Variants in BRINP1 observed in about 807,000 individuals in gnomAD.
BRINP1 encodes BMP/retinoic acid inducible neural specific 1.
BRINP1 carries 17 observed loss-of-function variants against 72.9 expected under a neutral mutation model. The ratio of observed to expected loss-of-function variants is 0.23; its 90% CI spans 0.16 to 0.35. The LOEUF (loss-of-function observed/expected upper bound fraction) is 0.35, where lower values mean the gene tolerates loss of function less well. BRINP1 is among the 10% of genes least tolerant of loss of function. The pLI is 1.00. For missense variants in BRINP1, 850 were observed against 1,001.6 expected, an observed-to-expected ratio of 0.85 and a Z score of 2.04; for synonymous variants, 418 against 378.5, an observed-to-expected ratio of 1.10 and a Z score of -1.21.
At chr9:119,330,930 G>A (rs1831294082) in intron 1 of BRINP1, among the ~76,000 whole-genome samples, 1 of 152,156 alleles carries the variant, frequency 6.6e-6, no homozygotes, top group African/African-American at 2.4e-5. Flanking sequence ...GGGAGGCTGA[G>A]GCAGGAGAAT....
chr9:119,272,203 T>C (rs1830614767), intron 2 of BRINP1, among the ~76,000 whole-genome samples: 1 of 150,800 alleles, frequency 6.6e-6, no homozygotes, highest in Non-Finnish European at 1.5e-5. Flanking sequence ...CTCAGCCTCC[T>C]GAGAGCTAGG....
intron 1 of BRINP1, among the ~76,000 whole-genome samples, chr9:119,343,574 C>T (rs1401442644): frequency 6.6e-6 from 1 of 152,076 alleles, no homozygotes; most frequent in Non-Finnish European, 1.5e-5. Flanking sequence ...TATCTAGAAG[C>T]CCATCTTTCT....
At chr9:119,204,574 A>G (rs1829833670) in intron 7 of BRINP1, among the ~76,000 whole-genome samples, 1 of 152,204 alleles carries the variant, frequency 6.6e-6, no homozygotes, top group South Asian at 2.1e-4. Flanking sequence ...TGAGGAAGAA[A>G]TTAGTTAATC....
chr9:119,252,631 T>C (rs1055594547), intron 2 of BRINP1, among the ~76,000 whole-genome samples: 5 of 152,054 alleles, frequency 3.3e-5, no homozygotes, highest in African/African-American at 9.7e-5. Context: ...AACACACCCG[T>C]ATTCCTTAAA....
intron 7 of BRINP1, among the ~76,000 whole-genome samples, chr9:119,170,035 A>G (rs1829383625): frequency 1.3e-5 from 2 of 152,284 alleles, no homozygotes; most frequent in Non-Finnish European, 2.9e-5. Flanking sequence ...TGGGGAAAAA[A>G]CAGAACAGAA....
intron 2 of BRINP1, among the ~76,000 whole-genome samples, chr9:119,279,006 C>T (rs1030078366): frequency 6.6e-6 from 1 of 151,948 alleles, no homozygotes; most frequent in African/African-American, 2.4e-5. Context: ...TACTTTACTT[C>T]CATTTTATTG....
At chr9:119,232,231 T>G (rs963218960) in intron 5 of BRINP1, among the ~76,000 whole-genome samples, 11 of 152,162 alleles carry the variant, frequency 7.2e-5, no homozygotes, top group African/African-American at 2.7e-4. Context: ...AATTCATCCA[T>G]AAATTCAGTC....
chr9:119,206,088 A>C (rs1241070304), intron 7 of BRINP1, among the ~76,000 whole-genome samples: 1 of 152,150 alleles, frequency 6.6e-6, no homozygotes, highest in East Asian at 1.9e-4. Flanking sequence ...CATTTAGGTC[A>C]GCTCTAATCC....
intron 7 of BRINP1, among the ~76,000 whole-genome samples, chr9:119,200,072 T>C (rs898324164): frequency 1.3e-5 from 2 of 152,192 alleles, no homozygotes; most frequent in African/African-American, 4.8e-5. Context: ...ATTCAACATA[T>C]GTAGAAAGTA....
At chr9:119,318,993 T>C (rs1360778376) in intron 1 of BRINP1, among the ~76,000 whole-genome samples, 5 of 151,940 alleles carry the variant, frequency 3.3e-5, no homozygotes, top group African/African-American at 1.2e-4. Flanking sequence ...ACATCTTTGA[T>C]CCTCACAACT....
chr9:119,201,112 C>T (rs1829801036), intron 7 of BRINP1, among the ~76,000 whole-genome samples: 1 of 152,114 alleles, frequency 6.6e-6, no homozygotes, highest in Non-Finnish European at 1.5e-5. Flanking sequence ...AAGTTTTAAA[C>T]AGGGATGTGA....
chr9:119,326,150 C>G (rs955818842), intron 1 of BRINP1, among the ~76,000 whole-genome samples: 28 of 152,132 alleles, frequency 1.8e-4, no homozygotes, highest in Non-Finnish European at 8.8e-5. Context: ...GATGATAAAG[C>G]TGAGGCCCTT....
At chr9:119,312,418 C>T (rs1490700107) in intron 2 of BRINP1, among the ~76,000 whole-genome samples, 1 of 152,134 alleles carries the variant, frequency 6.6e-6, no homozygotes, top group Non-Finnish European at 1.5e-5. Context: ...CAAGAATGCA[C>T]TCTGATTCCA....
In BRINP1 at chr9:119,262,645, C is replaced by CA. The variant is rs55738449; in HGVS notation, c.219-13496dup. 5.9e-3 allele frequency among the ~76,000 whole-genome samples: 371 copies of CA among 62,928 alleles called. 9 individuals carry two copies. The highest frequency in any genetic ancestry group is 0.019 in the African/African-American group (316 of 16,892). 41.3% of individuals were successfully genotyped at this position (62,928 alleles called of 152,430 possible). On this transcript the variant is annotated intron_variant, in intron 2 of 7. Transcript: ENST00000265922. The stretch of plus-strand genomic sequence containing the variant: ...TGGGTGACAGAGCGAGACTCCAACT[C>CA]AAAAAAAAAAAAAAAAAAAAAGCTG...
In BRINP1 at chr9:119,330,798, C is replaced by T. The variant is rs898225575; in HGVS notation, c.-50-17393G>A. ...ATCCCAACACTTTGGGAGGCTGAGGCGGGGGGATCACGACTTCAGGAGTTC... is the reference window on the plus strand; with the variant it reads ...ATCCCAACACTTTGGGAGGCTGAGGTGGGGGGATCACGACTTCAGGAGTTC... On this transcript the variant is annotated intron_variant, in intron 1 of 7. Transcript: ENST00000265922. 4.6e-5 allele frequency among the ~76,000 whole-genome samples: 7 copies of T among 152,086 alleles called. No homozygotes were observed. The Middle Eastern group carries it at 0.01, about 222-fold the overall frequency.
intron 1 of BRINP1, among the ~76,000 whole-genome samples, chr9:119,341,746 A>G (rs1188102365): frequency 6.6e-6 from 1 of 152,168 alleles, no homozygotes. Context: ...ACGCCATTAT[A>G]AGTCCAAGAG....
chr9:119,195,351 A>T (rs1229759757), intron 7 of BRINP1, among the ~76,000 whole-genome samples: 1 of 152,248 alleles, frequency 6.6e-6, no homozygotes, highest in African/African-American at 2.4e-5. Context: ...AAAGAGGCCT[A>T]TGCCTATGTA....
At chr9:119,339,394 A>G (rs968632118) in intron 1 of BRINP1, among the ~76,000 whole-genome samples, 1 of 152,178 alleles carries the variant, frequency 6.6e-6, no homozygotes, top group African/African-American at 2.4e-5. Flanking sequence ...TATATATTTC[A>G]TTTGATTATT....
At chr9:119,307,763 A>G (rs1381938149) in intron 2 of BRINP1, among the ~76,000 whole-genome samples, 1 of 152,202 alleles carries the variant, frequency 6.6e-6, no homozygotes, top group Non-Finnish European at 1.5e-5. Flanking sequence ...TAAGAAAAAG[A>G]GGTTGTACGG....
Sources: allele counts gnomAD v4.1 joint callset (sites outside exome capture counted in the v4.1 genomes callset), GRCh38; gene constraint gnomAD v4.1.1; transcripts MANE v1.5; gene names NCBI Gene and HGNC (gene_info 2026-07-23, HGNC 2026-07-21).